The following PHGDH variants were observed in gnomAD, a reference collection of about 807,000 sequenced individuals.
PHGDH encodes the protein D-3-phosphoglycerate dehydrogenase.
In PHGDH, 50 loss-of-function variants were observed where a neutral mutation model predicts 52.6. The observed-to-expected ratio is 0.95, with a 90% CI of 0.76 to 1.20. The LOEUF is 1.20. PHGDH is among the 50% of genes most tolerant of loss of function. The probability of loss-of-function intolerance (pLI) is 0.00; values close to 1 mark genes in which losing one functional copy is unlikely to be tolerated. For synonymous variants in PHGDH, 271 were observed against 280.5 expected (o/e 0.97, Z 0.34); for missense variants, 630 against 684.6 (o/e 0.92, Z 0.89).
chr1:119,733,229 A>G (rs971649643), intron 5 of PHGDH, among the ~76,000 whole-genome samples: 3 of 152,200 alleles, frequency 2.0e-5, no homozygotes, highest in Non-Finnish European at 4.4e-5. Context: ...CACAAGGCTA[A>G]TGATGAAAAA....
chr1:119,733,763 AACCGCTGTTAAAGT>A (rs1651808027), intron 5 of PHGDH, among the ~76,000 whole-genome samples: 1 of 152,198 alleles, frequency 6.6e-6, no homozygotes, highest in South Asian at 2.1e-4. Flanking sequence ...ACCCAGAGAC[AACCGCTGTTAAAGT>A]ACTATGCTGT....
intron 1 of PHGDH, chr1:119,712,601 A>C: frequency 9.2e-6 from 2 of 218,128 alleles, no homozygotes; most frequent in South Asian, 6.3e-5. Context: ...TTTGCGGGGA[A>C]CCCAGGGACT....
rs587754251 is a variant in PHGDH at position 119,737,054 on chromosome 1, G to A, written c.793-60G>A. Reference sequence around the variant, plus strand: ...CTCCAACTTTCCTGTTGCCTGGGGTGGCCCAAGAGGGTGTGGCCAGTCCAT... The same window carrying A: ...CTCCAACTTTCCTGTTGCCTGGGGTAGCCCAAGAGGGTGTGGCCAGTCCAT... On this transcript the variant is annotated intron_variant, in intron 7 of 11. Transcript: ENST00000641023. 445 of 1,568,706 alleles carry A rather than the reference G, an allele frequency of 2.8e-4. 1 individual carries two copies. Among genetic ancestry groups the A allele is most frequent in the Non-Finnish European group, 1.6e-5 (18 of 1,140,696 alleles).
intron 3 of PHGDH, among the ~76,000 whole-genome samples, chr1:119,724,107 G>C (rs913721072): frequency 7.2e-5 from 11 of 152,170 alleles, no homozygotes; most frequent in African/African-American, 2.7e-4. Context: ...CACAGAATGT[G>C]CTTGAGTCTC....
chr1:119,714,229 G>A (rs924160880), intron 1 of PHGDH, among the ~76,000 whole-genome samples: 5 of 152,140 alleles, frequency 3.3e-5, no homozygotes, highest in African/African-American at 4.8e-5. Flanking sequence ...CTCCCCCACT[G>A]AAGTCTCTTT....
chr1:119,721,069 C>T (rs587601208), intron 1 of PHGDH, 101 bp from the exon 2 acceptor site: 19 of 1,121,608 alleles, frequency 1.7e-5, no homozygotes, highest in African/African-American at 1.2e-4. Flanking sequence ...CCTAAGGTTC[C>T]GGAAATGCAT....
chr1:119,736,556 G>C (rs1294777718), intron 7 of PHGDH, among the ~76,000 whole-genome samples: 1 of 152,232 alleles, frequency 6.6e-6, no homozygotes, highest in South Asian at 2.1e-4. Flanking sequence ...GGAGGGTGGG[G>C]TGGAGGTGCC....
chr1:119,726,329 T>C (rs996563533), intron 3 of PHGDH, among the ~76,000 whole-genome samples: 3 of 152,060 alleles, frequency 2.0e-5, no homozygotes, highest in Non-Finnish European at 4.4e-5. Flanking sequence ...ACCCACCCAC[T>C]CTAGGGTCCA....
In PHGDH at chr1:119,742,835, C is replaced by T. The variant is rs776632362; in HGVS notation, c.1238C>T (p.Pro413Leu). ...ACCACCTCCCACAGCCCTGCTGCAC[C>T]AGGGGAGCAAGGCTTCGGGGAATGC... ...NVTTSHSPAAPGEQGFGECLL... is the reference protein window; with the variant it reads ...NVTTSHSPAALGEQGFGECLL... Residue 413 changes from proline (P) to leucine (L), a missense_variant, in exon 11 of 12, where the codon CCA becomes CTA. Pro to Leu is a moderately conservative substitution (Grantham distance 98, BLOSUM62 -3). Coordinates refer to ENST00000641023, the MANE Select transcript of PHGDH (RefSeq NM_006623.4). The T allele has an allele frequency of 1.2e-6, 2 of 1,612,850 alleles. No homozygotes were observed. The highest frequency in any genetic ancestry group is 1.7e-6 in the Non-Finnish European group (2 of 1,179,240).
Position 119,743,887 on chromosome 1 carries a change from C to T in PHGDH, c.1449C>T (p.Gly483=). The change falls in exon 12 of 12, where the codon GGC becomes GGT. Residue 483 remains glycine (G), a splice_region_variant and synonymous_variant. Transcript: ENST00000641023. ...SDPAMLPTMI[G]LLAEAGVRLL... ...ACCAGGAGTTTCTTCTATTTCCAGGCCTCCTGGCAGAGGCAGGCGTGCGGC... is the reference window on the plus strand; with the variant it reads ...ACCAGGAGTTTCTTCTATTTCCAGGTCTCCTGGCAGAGGCAGGCGTGCGGC... 6.2e-7 allele frequency: 1 copy of T among 1,613,052 alleles called. No individual in the cohort carries two copies. Among genetic ancestry groups the T allele is most frequent in the Non-Finnish European group, 8.5e-7 (1 of 1,179,026 alleles).
intron 7 of PHGDH, among the ~76,000 whole-genome samples, chr1:119,735,716 A>T (rs184943232): frequency 6.6e-6 from 1 of 152,308 alleles, no homozygotes; most frequent in Admixed American, 6.5e-5. Flanking sequence ...GACTGCTAAC[A>T]TATTGACAAA....
intron 5 of PHGDH, among the ~76,000 whole-genome samples, chr1:119,733,526 G>T (rs973296679): frequency 9.4e-5 from 14 of 148,584 alleles, no homozygotes; most frequent in Admixed American, 4.0e-4. Context: ...GTAGGGGGGG[G>T]GGTCTGACTA....
chr1:119,723,357 C>T lies in PHGDH; in HGVS notation c.291-19C>T. The T allele has an allele frequency of 6.2e-7, 1 of 1,602,256 alleles. No individual in the cohort carries two copies. Among genetic ancestry groups the T allele is most frequent in the Non-Finnish European group, 8.6e-7 (1 of 1,169,290 alleles). On this transcript the variant is annotated intron_variant, in intron 2 of 11. Transcript: ENST00000641023. ...CTGGGTCTGTGCCCATTGATGTCCC[C>T]CTTTTCTTTGATCTTTAGCACCCCC...
At chr1:119,743,298 C>T (rs1652296907) in intron 11 of PHGDH, among the ~76,000 whole-genome samples, 1 of 152,208 alleles carries the variant, frequency 6.6e-6, no homozygotes, top group African/African-American at 2.4e-5. Flanking sequence ...TATTCCTGCC[C>T]AGCTGTGGAT....
intron 5 of PHGDH, 144 bp from the exon 6 acceptor site, chr1:119,734,490 T>TATGGTAA: frequency 1.3e-6 from 1 of 796,962 alleles, no homozygotes; most frequent in East Asian, 2.5e-5. Flanking sequence ...GTACTTAGTG[T>TATGGTAA]ATGGTAAATT....
intron 5 of PHGDH, among the ~76,000 whole-genome samples, chr1:119,729,086 A>G (rs1651577272): frequency 1.3e-5 from 2 of 152,086 alleles, no homozygotes; most frequent in African/African-American, 4.8e-5. Flanking sequence ...TCCACTCCCC[A>G]TCTTATTTAT....
Position 119,726,832 on chromosome 1 carries a change from C to T in PHGDH, c.357-19C>T. The T allele has an allele frequency of 1.2e-6, 2 of 1,611,754 alleles. No individual in the cohort carries two copies. The highest frequency in any genetic ancestry group is 2.2e-5 in the East Asian group (1 of 44,886). ...CGGGAGTCCGAATGGACCCTCTGAA[C>T]CTGTGTCTATCCTTGCAGGCAGATT... is the stretch of plus-strand genomic sequence containing the variant. On this transcript the variant is annotated intron_variant, in intron 3 of 11. Transcript: ENST00000641023.
At chr1:119,724,887 C>T (rs11576585) in intron 3 of PHGDH, 2 of 456,650 alleles carry the variant, frequency 4.4e-6, no homozygotes, top group Admixed American at 4.7e-5. Context: ...TGCATCAAAA[C>T]TAGGAAACAC....
rs587598426 is a variant in PHGDH at position 119,732,723 on chromosome 1, G to A, written c.511-1911G>A. 3.9e-5 allele frequency among the ~76,000 whole-genome samples: 6 copies of A among 152,316 alleles called. No individual in the cohort carries two copies. In the South Asian group the frequency reaches 1.2e-3, roughly 32 times the overall value. On this transcript the variant is annotated intron_variant, in intron 5 of 11. Transcript: ENST00000641023. ...CTGAGTCAGTGCTTCGCTCACCCCT[G>A]AGGAAGATGCTCACCTGCTCCTCTC...
Sources: allele counts gnomAD v4.1 joint callset (sites outside exome capture counted in the v4.1 genomes callset), GRCh38; gene constraint gnomAD v4.1.1; transcripts MANE v1.5; gene names NCBI Gene and HGNC (gene_info 2026-07-23, HGNC 2026-07-21).